Variants in STK35 observed in about 807,000 individuals in gnomAD.
STK35 encodes serine/threonine-protein kinase 35.
A neutral mutation model predicts 37.3 loss-of-function variants in STK35; 17 were observed. The ratio of observed to expected loss-of-function variants is 0.46; its 90% CI spans 0.31 to 0.68. The LOEUF (loss-of-function observed/expected upper bound fraction) is 0.68, where lower values mean the gene tolerates loss of function less well. Ranked by LOEUF, STK35 falls within the 30% of genes least tolerant of loss-of-function variation. The pLI, the probability that STK35 is intolerant of heterozygous loss-of-function variation, is 0.05. For synonymous variants in STK35, 385 were observed against 319.1 expected, an observed-to-expected ratio of 1.21 and a Z score of -2.20; for missense variants, 595 against 746.7, an observed-to-expected ratio of 0.80 and a Z score of 2.37.
At chr20:2,140,495 C>T (rs902363973) in intron 3 of STK35, among the ~76,000 whole-genome samples, 5 of 152,210 alleles carry the variant, frequency 3.3e-5, no homozygotes, top group African/African-American at 1.2e-4. Flanking sequence ...CTACAGAAAG[C>T]GCCTCCACTA....
At position 2,102,008 on chromosome 20, in the gene STK35, T is replaced by G; in HGVS notation, c.127T>G (p.Ser43Ala). 2 of 1,527,280 alleles carry G rather than the reference T, an allele frequency of 1.3e-6. No individual in the cohort carries two copies. The highest frequency in any genetic ancestry group is 1.8e-6 in the Non-Finnish European group (2 of 1,142,656). 94.6% of individuals were successfully genotyped at this position (1,527,280 alleles called of 1,614,324 possible). A position where few individuals can be genotyped will look rare whatever the true frequency, so the allele number is the denominator to read the frequency against. ...ESHGSLGAQA[S>A]PASAAAAEGS... ...CCACGGGAGCCTAGGAGCCCAGGCT[T>G]CCCCAGCGAGCGCCGCGGCAGCAGA... The change falls in exon 1 of 4, where the codon TCC becomes GCC. Residue 43 changes from serine to alanine, a missense_variant. Physicochemically the swap from Ser to Ala is moderately conservative, Grantham distance 99 (BLOSUM62 1). Transcript: ENST00000381482.
chr20:2,132,283 A>G (rs1986013801), intron 3 of STK35, among the ~76,000 whole-genome samples: 1 of 152,276 alleles, frequency 6.6e-6, no homozygotes, highest in Non-Finnish European at 1.5e-5. Context: ...GAAGTAAGTG[A>G]TGGCAAAGTA....
chr20:2,120,817 A>T (rs1985804277), intron 3 of STK35, among the ~76,000 whole-genome samples: 1 of 152,188 alleles, frequency 6.6e-6, no homozygotes, highest in Non-Finnish European at 1.5e-5. Flanking sequence ...TAGGTAATGT[A>T]CAAGAAAGTG....
chr20:2,131,184 G>T (rs35061411), intron 3 of STK35, among the ~76,000 whole-genome samples: 277 of 152,310 alleles, frequency 1.8e-3, no homozygotes, highest in Non-Finnish European at 3.5e-3. Context: ...GGTAGATAGA[G>T]CCTATTGCTC....
chr20:2,109,433 C>T (rs1600600456), intron 2 of STK35, among the ~76,000 whole-genome samples: 2 of 152,194 alleles, frequency 1.3e-5, no homozygotes, highest in Non-Finnish European at 2.9e-5. Flanking sequence ...GCTAGCATTT[C>T]GTAGTATTTT....
chr20:2,103,720 C>T (rs1479896228), intron 2 of STK35, among the ~76,000 whole-genome samples: 1 of 152,088 alleles, frequency 6.6e-6, no homozygotes, highest in African/African-American at 2.4e-5. Flanking sequence ...AGCAGAACTG[C>T]GGAGCCTCCT....
At chr20:2,121,693 C>T (rs1226534210) in intron 3 of STK35, among the ~76,000 whole-genome samples, 3 of 151,862 alleles carry the variant, frequency 2.0e-5, no homozygotes, top group Admixed American at 6.6e-5. Flanking sequence ...CCAGGTGGTG[C>T]AACATTGAGG....
chr20:2,111,847 A>G (rs1181161765), intron 2 of STK35, among the ~76,000 whole-genome samples: 1 of 152,186 alleles, frequency 6.6e-6, no homozygotes, highest in East Asian at 1.9e-4. Flanking sequence ...TCCCTGGCGC[A>G]CACCCACCTG....
intron 3 of STK35, among the ~76,000 whole-genome samples, chr20:2,119,152 T>G (rs1985772815): frequency 6.6e-6 from 1 of 152,212 alleles, no homozygotes; most frequent in South Asian, 2.1e-4. Flanking sequence ...AATGAAGGTA[T>G]TTTTGTAATG....
At chr20:2,129,164 A>G (rs536589660) in intron 3 of STK35, among the ~76,000 whole-genome samples, 1 of 152,254 alleles carries the variant, frequency 6.6e-6, no homozygotes, top group South Asian at 2.1e-4. Flanking sequence ...TGTGACTAGC[A>G]AACTTCGTTT....
At chr20:2,123,434 T>C (rs1985852221) in intron 3 of STK35, among the ~76,000 whole-genome samples, 3 of 152,208 alleles carry the variant, frequency 2.0e-5, no homozygotes, top group African/African-American at 7.2e-5. Flanking sequence ...CTTCAGATTT[T>C]ACTTCTATTT....
rs1331978880 is a variant in STK35, at chr20:2,102,033, A to C, written c.152A>C (p.Glu51Ala). ...QASPASAAAA[E>A]GSATRRARAA... ...TCCCCAGCGAGCGCCGCGGCAGCAGAAGGATCCGCTACACGCCGGGCTCGG... is the reference window on the plus strand; with the variant it reads ...TCCCCAGCGAGCGCCGCGGCAGCAGCAGGATCCGCTACACGCCGGGCTCGG... Residue 51 changes from glutamate (E) to alanine (A), a missense_variant, in exon 1 of 4, where the codon GAA (glutamate) becomes GCA (alanine). Around this residue, in one of 3 missense-constraint regions of STK35, gnomAD observed 389 missense variants for 320.0 expected, o/e 1.22. Coordinates refer to ENST00000381482, the MANE Select transcript of STK35 (RefSeq NM_080836.4). The C allele has an allele frequency of 1.3e-6, 2 of 1,527,460 alleles. No individual in the cohort carries two copies. The highest frequency in any genetic ancestry group is 2.5e-5 in the East Asian group (1 of 40,442). The allele number at this position is 1,527,460 out of a possible 1,614,324, so 94.6% of individuals were successfully genotyped here. A position where few individuals can be genotyped will look rare whatever the true frequency, so the allele number is the denominator to read the frequency against.
chr20:2,102,070 C>T lies in STK35; in HGVS notation c.189C>T (p.Ser63=). Residue 63 remains serine, a synonymous_variant, in exon 1 of 4, where the codon TCC becomes TCT. Transcript: ENST00000381482. ...SATRRARAAT[S]RAARSRRQPG... ...CACGCCGGGCTCGGGCCGCCACCTC[C>T]CGCGCTGCTCGGTCCCGGAGGCAGC... is the stretch of plus-strand genomic sequence containing the variant. The T allele has an allele frequency of 6.6e-7, 1 of 1,521,986 alleles. No homozygotes were observed. The highest frequency in any genetic ancestry group is 8.8e-7 in the Non-Finnish European group (1 of 1,139,514). 94.3% of individuals were successfully genotyped at this position (1,521,986 alleles called of 1,614,324 possible). A position where few individuals can be genotyped will look rare whatever the true frequency, so the allele number is the denominator to read the frequency against.
chr20:2,103,728 C>T (rs1486996051), intron 2 of STK35, among the ~76,000 whole-genome samples: 3 of 152,104 alleles, frequency 2.0e-5, no homozygotes, highest in Non-Finnish European at 4.4e-5. Flanking sequence ...TGCGGAGCCT[C>T]CTCACCCCCG....
intron 2 of STK35, among the ~76,000 whole-genome samples, chr20:2,114,088 C>A (rs1272757621): frequency 6.6e-6 from 1 of 152,102 alleles, no homozygotes; most frequent in East Asian, 1.9e-4. Context: ...ACGTCGCCTC[C>A]TTCCATCTGG....
In STK35 at chr20:2,117,147, C is replaced by G; in HGVS notation, c.1374C>G (p.Thr458=). Residue 458 remains threonine (T), a synonymous_variant, in exon 3 of 4, where the codon ACC becomes ACG. Transcript: ENST00000381482. The surrounding 1 kb of genome is among the most constrained non-coding windows in gnomAD (Gnocchi z 4.4). The part of the protein sequence containing the change: ...IERITFIDSE[T]KKELLGTYIK... Reference sequence around the variant, plus strand: ...GAATCACTTTTATTGACTCTGAGACCAAGAAGGAGCTCCTGGGGACCTACA... The same window carrying G: ...GAATCACTTTTATTGACTCTGAGACGAAGAAGGAGCTCCTGGGGACCTACA... 6.2e-7 allele frequency: 1 copy of G among 1,613,908 alleles called. No homozygotes were observed. Among genetic ancestry groups the G allele is most frequent in the Non-Finnish European group, 8.5e-7 (1 of 1,179,894 alleles).
At chr20:2,109,439 A>G (rs914984112) in intron 2 of STK35, among the ~76,000 whole-genome samples, 2 of 152,194 alleles carry the variant, frequency 1.3e-5, no homozygotes, top group Non-Finnish European at 2.9e-5. Flanking sequence ...ATTTCGTAGT[A>G]TTTTCATACT....
At chr20:2,102,571 G>A (rs1037993810) in intron 1 of STK35, among the ~76,000 whole-genome samples, 197 bp from the exon 2 acceptor site, 8 of 152,166 alleles carry the variant, frequency 5.3e-5, no homozygotes, top group Admixed American at 3.3e-4. Flanking sequence ...TTTTCTTTCC[G>A]GTTCCCCCTC....
At chr20:2,103,401 C>A (rs1985448128) in intron 2 of STK35, 36 bp downstream of exon 2, 2 of 1,572,160 alleles carry the variant, frequency 1.3e-6, no homozygotes, top group Non-Finnish European at 1.7e-6. Context: ...CCACGCAGGG[C>A]CTGGACCCCC....
Sources: allele counts gnomAD v4.1 joint callset (sites outside exome capture counted in the v4.1 genomes callset), GRCh38; gene constraint gnomAD v4.1.1; regional missense constraint gnomAD v4.1.1; non-coding constraint Gnocchi (gnomAD v3.1); transcripts MANE v1.5; gene names NCBI Gene and HGNC (gene_info 2026-07-23, HGNC 2026-07-21).